The following FNBP1 variants were observed in gnomAD, a reference collection of about 807,000 sequenced individuals.
The protein encoded by FNBP1 is formin-binding protein 1.
In FNBP1, 26 loss-of-function variants were observed where a neutral mutation model predicts 90.6. The ratio of observed to expected loss-of-function variants is 0.29; its 90% CI spans 0.21 to 0.40. The LOEUF (loss-of-function observed/expected upper bound fraction) is 0.40, where lower values mean the gene tolerates loss of function less well. Among genes scored for constraint, FNBP1 ranks in the 10% least tolerant of loss-of-function variants. FNBP1 has a pLI of 1.00. For synonymous variants in FNBP1, 260 were observed against 265.2 expected (o/e 0.98, Z 0.19); for missense variants, 635 against 768.0 (o/e 0.83, Z 2.05).
In FNBP1 at chr9:130,009,082, G is replaced by C. The variant is rs572431451; in HGVS notation, c.25-14124C>G. ...CTCTAAATATTTCCAAGTTGGAGGG[G>C]GCAGTGGTAGAGTGGGTGCAAAATA... On this transcript the variant is annotated intron_variant, in intron 1 of 16. Coordinates refer to ENST00000446176, the MANE Select transcript of FNBP1 (RefSeq NM_015033.3). 5.9e-5 allele frequency among the ~76,000 whole-genome samples: 9 copies of C among 152,250 alleles called. No homozygotes were observed. The South Asian group carries it at 8.3e-4, about 14-fold the overall frequency.
upstream of FNBP1, among the ~76,000 whole-genome samples, chr9:130,044,309 C>T (rs903870606): frequency 1.3e-5 from 2 of 152,230 alleles, no homozygotes; most frequent in African/African-American, 4.8e-5. Flanking sequence ...TTTCAACCTG[C>T]TTATCATTCT....
chr9:130,022,560 T>C (rs2057941367), intron 1 of FNBP1, among the ~76,000 whole-genome samples: 1 of 152,224 alleles, frequency 6.6e-6, no homozygotes, highest in Non-Finnish European at 1.5e-5. Context: ...ATATTTTACA[T>C]AGTTACAAGT....
chr9:129,928,013 AT>A (rs143750302), intron 7 of FNBP1, among the ~76,000 whole-genome samples: 12,303 of 152,270 alleles, frequency 0.081, 555 homozygotes, highest in East Asian at 0.099. Context: ...AAAGCACAGT[AT>A]TTAATTAACT....
At chr9:129,923,259 G>A (rs1233489800) in intron 10 of FNBP1, among the ~76,000 whole-genome samples, 2 of 151,838 alleles carry the variant, frequency 1.3e-5, no homozygotes, top group Non-Finnish European at 2.9e-5. Flanking sequence ...AGGAAGAGGG[G>A]TAAAGTCCTT....
intron 4 of FNBP1, among the ~76,000 whole-genome samples, chr9:129,959,288 C>A (rs1467381983): frequency 6.6e-6 from 1 of 151,092 alleles, no homozygotes; most frequent in Non-Finnish European, 1.5e-5. Context: ...CAGAATGAGA[C>A]CCCATCTCAA....
chr9:129,999,641 T>C (rs2054546103), intron 1 of FNBP1, among the ~76,000 whole-genome samples: 1 of 151,974 alleles, frequency 6.6e-6, no homozygotes, highest in Non-Finnish European at 1.5e-5. Context: ...AGCTTTTGTG[T>C]GAGTTACATC....
chr9:129,926,033 G>C (rs10124109), intron 8 of FNBP1, among the ~76,000 whole-genome samples: 2 of 151,834 alleles, frequency 1.3e-5, no homozygotes, highest in East Asian at 3.9e-4. Context: ...GTGCAGTGGC[G>C]TGATCTTGGC....
chr9:129,905,074 C>T (rs1053799780), intron 12 of FNBP1, among the ~76,000 whole-genome samples: 3 of 151,766 alleles, frequency 2.0e-5, no homozygotes, highest in Non-Finnish European at 2.9e-5. Context: ...CTTATGATGT[C>T]CTTTCCGAAA....
intron 11 of FNBP1, among the ~76,000 whole-genome samples, chr9:129,915,241 T>C (rs2040080811): frequency 6.6e-6 from 1 of 152,098 alleles, no homozygotes; most frequent in Non-Finnish European, 1.5e-5. Flanking sequence ...CCTGCACAGC[T>C]CCTCCAGGCT....
chr9:129,990,686 T>C (rs955166262), intron 2 of FNBP1, among the ~76,000 whole-genome samples: 2 of 152,082 alleles, frequency 1.3e-5, no homozygotes, highest in Non-Finnish European at 2.9e-5. Context: ...GGCTGCTCTG[T>C]AGAAATCAGG....
In FNBP1 at chr9:129,901,134, C is replaced by T. The variant is rs188335038; in HGVS notation, c.1429-587G>A. 6.6e-4 allele frequency among the ~76,000 whole-genome samples: 100 copies of T among 152,310 alleles called. No homozygotes were observed. In the East Asian group the frequency reaches 0.017, roughly 26 times the overall value. On this transcript the variant is annotated intron_variant, in intron 13 of 16. Transcript: ENST00000446176. Reference sequence around the variant, plus strand: ...ATAAAAATGACGAGAAGGCCGGGCGCGGTGGCCACACCTGTAATCCCAGCA... The same window carrying T: ...ATAAAAATGACGAGAAGGCCGGGCGTGGTGGCCACACCTGTAATCCCAGCA...
chr9:129,967,891 G>A (rs1050453301), intron 4 of FNBP1, among the ~76,000 whole-genome samples: 1 of 152,062 alleles, frequency 6.6e-6, no homozygotes, highest in African/African-American at 2.4e-5. Flanking sequence ...TTTGAGATTG[G>A]GGGGTGGATC....
intron 1 of FNBP1, among the ~76,000 whole-genome samples, chr9:130,030,699 G>C (rs2058726922): frequency 6.6e-6 from 1 of 152,046 alleles, no homozygotes; most frequent in African/African-American, 2.4e-5. Context: ...TAGCCTACAG[G>C]GCGAGAACGT....
chr9:129,918,461 C>T (rs939488559), intron 10 of FNBP1, among the ~76,000 whole-genome samples: 5 of 152,186 alleles, frequency 3.3e-5, no homozygotes, highest in Non-Finnish European at 5.9e-5. Context: ...GTTAAAGAGC[C>T]GTGGGAGCCA....
rs1156598829 is a variant in FNBP1 at position 130,042,831 on chromosome 9, G to T, written c.24+121C>A. ...GAACCCCGCCTCCTCCCCAGGCCGC[G>T]AGGACCCCGACCAGCGCGCCCTCGC... On this transcript the variant is annotated intron_variant, in intron 1 of 16. Transcript: ENST00000446176. The surrounding 1 kb of genome is among the most constrained non-coding windows in gnomAD (Gnocchi z 5.5). The T allele has an allele frequency of 1.8e-5, 11 of 603,800 alleles. No individual in the cohort carries two copies. In the East Asian group the frequency reaches 1.9e-4, roughly 10 times the overall value. The allele number at this position is 603,800 out of a possible 1,614,324, so 37.4% of individuals were successfully genotyped here.
chr9:130,035,872 G>A (rs1189647987), intron 1 of FNBP1, among the ~76,000 whole-genome samples: 1 of 152,080 alleles, frequency 6.6e-6, no homozygotes, highest in Non-Finnish European at 1.5e-5. Flanking sequence ...CTTGAACCCG[G>A]GAGGTGGAGG....
At chr9:129,958,441 G>GAA (rs11394970) in intron 5 of FNBP1, 50 bp downstream of exon 5, 3,081 of 1,289,348 alleles carry the variant, frequency 2.4e-3, no homozygotes, top group Non-Finnish European at 2.7e-3. Flanking sequence ...CAAAAAAAAA[G>GAA]AAAAAAAAAT....
intron 1 of FNBP1, among the ~76,000 whole-genome samples, chr9:129,998,181 CAG>C (rs1316894011): frequency 3.1e-5 from 3 of 97,536 alleles, no homozygotes; most frequent in Middle Eastern, 0.013. Flanking sequence ...GGGCGAAAGA[CAG>C]AGACTCTGTC....
intron 1 of FNBP1, among the ~76,000 whole-genome samples, chr9:130,040,776 C>T (rs1411766790): frequency 6.6e-6 from 1 of 151,926 alleles, no homozygotes; most frequent in African/African-American, 2.4e-5. Flanking sequence ...AAACTATTTT[C>T]CAATTATTTT....
Sources: allele counts gnomAD v4.1 joint callset (sites outside exome capture counted in the v4.1 genomes callset), GRCh38; gene constraint gnomAD v4.1.1; non-coding constraint Gnocchi (gnomAD v3.1); transcripts MANE v1.5; gene names NCBI Gene and HGNC (gene_info 2026-07-23, HGNC 2026-07-21).